The following ZFR2 variants were observed in gnomAD, a reference collection of about 807,000 sequenced individuals.
ZFR2 encodes the protein zinc finger RNA binding protein 2.
A neutral mutation model predicts 105.7 loss-of-function variants in ZFR2; 104 were observed. The ratio of observed to expected loss-of-function variants is 0.98; its 90% CI spans 0.84 to 1.16. ZFR2 has a LOEUF of 1.16. ZFR2 is among the 50% of genes most tolerant of loss of function. ZFR2 has a pLI of 0.00. For synonymous variants in ZFR2, 634 were observed against 597.7 expected, an observed-to-expected ratio of 1.06 and a Z score of -0.89; for missense variants, 1,425 against 1,355.5, an observed-to-expected ratio of 1.05 and a Z score of -0.80.
chr19:3,846,482 C>G (rs972022093), intron 1 of ZFR2, among the ~76,000 whole-genome samples: 1 of 152,130 alleles, frequency 6.6e-6, no homozygotes, highest in Admixed American at 6.5e-5. Flanking sequence ...TTAACTTTAG[C>G]GAGCTTGGTT....
chr19:3,831,155 A>G, intron 5 of ZFR2, 148 bp downstream of exon 5: 1 of 1,171,822 alleles, frequency 8.5e-7, no homozygotes, highest in South Asian at 1.7e-5. Flanking sequence ...GCTTGCACAC[A>G]CAGGCCATGC....
chr19:3,831,840 T>A lies in ZFR2; in HGVS notation c.418A>T (p.Ser140Cys). 1 of 1,603,788 alleles carries A rather than the reference T, an allele frequency of 6.2e-7. No homozygotes were observed. ...EACGQPSPHG[S>C]HSHAQPPQQA... Reference sequence around the variant, plus strand: ...TGTGGGGGCTGAGCGTGGCTGTGACTGCCATGGGGGCTGGGCTGCCCGCAG... The same window carrying A: ...TGTGGGGGCTGAGCGTGGCTGTGACAGCCATGGGGGCTGGGCTGCCCGCAG... Residue 140 changes from serine (S) to cysteine (C), a missense_variant, in exon 4 of 19, where the codon AGT becomes TGT. Physicochemically the swap from Ser to Cys is moderately radical, Grantham distance 112 (BLOSUM62 -1). Transcript: ENST00000262961.
chr19:3,815,667 T>C (rs988412614), intron 13 of ZFR2, among the ~76,000 whole-genome samples: 1 of 151,968 alleles, frequency 6.6e-6, no homozygotes, highest in Non-Finnish European at 1.5e-5. Context: ...CACTGAAGCC[T>C]CGAACTCTTG....
rs565171870 is a variant in ZFR2 at position 3,806,117 on chromosome 19, C to T, written c.2652G>A (p.Leu884=). 1.2e-5 allele frequency: 18 copies of T among 1,458,870 alleles called. No homozygotes were observed. In the African/African-American group the frequency reaches 2.6e-4, roughly 21 times the overall value. 90.4% of individuals were successfully genotyped at this position (1,458,870 alleles called of 1,614,324 possible). The change falls in exon 19 of 19, where the codon CTG becomes CTA. Residue 884 remains leucine (L), a synonymous_variant. Transcript: ENST00000262961. ...EDVTASAQHA[L]RMLAFRQTHK... is the part of the protein sequence containing the mutation. ...GGGTCTGCCGGAAGGCCAGCATTCG[C>T]AGGGCGTGCTGCGGGGCACACACAG...
rs999727398 is a variant in ZFR2 at position 3,823,171 on chromosome 19, G to C, written c.1371+75C>G. Reference sequence around the variant, plus strand: ...TGTAAATCTCGCTGGGAGAAGCCGGGTGAGGTCTCGAAGCCTGATCCATGG... The same window carrying C: ...TGTAAATCTCGCTGGGAGAAGCCGGCTGAGGTCTCGAAGCCTGATCCATGG... On this transcript the variant is annotated intron_variant, in intron 8 of 18. Transcript: ENST00000262961. This position sits in a 1 kb window ranked among gnomAD's most constrained non-coding sequence, Gnocchi z 5.4. The C allele has an allele frequency of 1.8e-5, 28 of 1,597,202 alleles. 1 individual carries two copies. The Admixed American group carries it at 4.2e-4, about 24-fold the overall frequency.
chr19:3,806,422 C>T (rs1406903321), intron 18 of ZFR2, among the ~76,000 whole-genome samples: 1 of 152,198 alleles, frequency 6.6e-6, no homozygotes, highest in East Asian at 1.9e-4. Context: ...GCCACCACGC[C>T]CAGCTAATTT....
chr19:3,837,314 T>C (rs2038085157), intron 1 of ZFR2, among the ~76,000 whole-genome samples: 1 of 152,168 alleles, frequency 6.6e-6, no homozygotes, highest in African/African-American at 2.4e-5. Context: ...ACCATGACTG[T>C]GGACACTTGA....
intron 1 of ZFR2, among the ~76,000 whole-genome samples, chr19:3,863,467 G>A (rs1022196888): frequency 1.3e-5 from 2 of 152,062 alleles, no homozygotes; most frequent in South Asian, 2.1e-4. Context: ...TCTCGCTGTC[G>A]CCCAGGCTGC....
intron 5 of ZFR2, among the ~76,000 whole-genome samples, chr19:3,828,598 AC>A (rs1405166738): frequency 1.3e-5 from 2 of 152,220 alleles, no homozygotes; most frequent in Non-Finnish European, 2.9e-5. Context: ...ACCGTGAGTC[AC>A]AGGCCTACGC....
chr19:3,817,786 G>A (rs1297943302), intron 12 of ZFR2, among the ~76,000 whole-genome samples: 1 of 150,646 alleles, frequency 6.6e-6, no homozygotes, highest in Non-Finnish European at 1.5e-5. Context: ...AAAAAGGAGA[G>A]GGCAGCTTCC....
chr19:3,824,381 G>A (rs959623952), intron 7 of ZFR2, among the ~76,000 whole-genome samples: 4 of 152,324 alleles, frequency 2.6e-5, no homozygotes, highest in Admixed American at 6.5e-5. Context: ...GTGAGCAGAC[G>A]CCTGGCATGT....
At chr19:3,850,038 C>T (rs1474129536) in intron 1 of ZFR2, among the ~76,000 whole-genome samples, 1 of 151,980 alleles carries the variant, frequency 6.6e-6, no homozygotes, top group Non-Finnish European at 1.5e-5. Flanking sequence ...TTGACCTCGC[C>T]GCAGGTCCCC....
At chr19:3,853,607 C>T (rs1427171985) in intron 1 of ZFR2, among the ~76,000 whole-genome samples, 1 of 152,126 alleles carries the variant, frequency 6.6e-6, no homozygotes, top group Non-Finnish European at 1.5e-5. Flanking sequence ...AATTCCATTT[C>T]TACAGAATGT....
chr19:3,847,240 CG>C (rs111291655), intron 1 of ZFR2, among the ~76,000 whole-genome samples: 7 of 152,098 alleles, frequency 4.6e-5, no homozygotes, highest in African/African-American at 1.7e-4. Flanking sequence ...TTCATAGAGC[CG>C]GGGGCAGGGG....
intron 12 of ZFR2, among the ~76,000 whole-genome samples, chr19:3,818,117 G>A (rs1044717323): frequency 2.6e-5 from 4 of 152,274 alleles, no homozygotes; most frequent in African/African-American, 9.6e-5. Flanking sequence ...TCATGCCCCT[G>A]AACTGTGCAC....
Position 3,805,775 on chromosome 19 carries a change from G to A in ZFR2, c.*174C>T, listed in dbSNP as rs113142933. The stretch of plus-strand genomic sequence containing the variant: ...GCCTCCCAAAGTGCTGGGATTAAAG[G>A]CATGAGCCACAGTGCCCGGTCTGAA... On this transcript the variant is annotated 3_prime_UTR_variant, in exon 19 of 19. Transcript: ENST00000262961. 0.023 allele frequency: 17,193 copies of A among 737,738 alleles called. 287 individuals are homozygous for A. Among genetic ancestry groups the A allele is most frequent in the African/African-American group, 0.059 (3,169 of 53,776 alleles). 45.7% of individuals were successfully genotyped at this position (737,738 alleles called of 1,614,324 possible).
At position 3,831,808 on chromosome 19, in the gene ZFR2, C is replaced by A; in HGVS notation, c.450G>T (p.Ala150=). 6.2e-7 allele frequency: 1 copy of A among 1,609,122 alleles called. No individual in the cohort carries two copies. The highest frequency in any genetic ancestry group is 1.1e-5 in the South Asian group (1 of 90,862). ...SHSHAQPPQQ[A]PIVESGQPAS... is the part of the protein sequence containing the mutation. Reference sequence around the variant, plus strand: ...CTGGCTGTCCGGACTCCACTATGGGCGCCTGCTGTGGGGGCTGAGCGTGGC... The same window carrying A: ...CTGGCTGTCCGGACTCCACTATGGGAGCCTGCTGTGGGGGCTGAGCGTGGC... Residue 150 remains alanine (A), a synonymous_variant, in exon 4 of 19, where the codon GCG becomes GCT. Coordinates refer to ENST00000262961, the MANE Select transcript of ZFR2 (RefSeq NM_015174.2).
intron 1 of ZFR2, 59 bp from the exon 2 acceptor site, chr19:3,835,042 T>A: frequency 6.5e-7 from 1 of 1,536,864 alleles, no homozygotes; most frequent in Non-Finnish European, 8.8e-7. Flanking sequence ...TCAGGTGCAC[T>A]GAGTTGACGG....
chr19:3,832,700 C>T (rs917510687), intron 3 of ZFR2, among the ~76,000 whole-genome samples: 51 of 151,072 alleles, frequency 3.4e-4, no homozygotes, highest in African/African-American at 3.9e-4. Context: ...TGCAGTGGTG[C>T]GATCACAGCT....
Sources: allele counts gnomAD v4.1 joint callset (sites outside exome capture counted in the v4.1 genomes callset), GRCh38; gene constraint gnomAD v4.1.1; non-coding constraint Gnocchi (gnomAD v3.1); transcripts MANE v1.5; gene names NCBI Gene and HGNC (gene_info 2026-07-23, HGNC 2026-07-21).